The following FAR2 variants were observed in gnomAD, a reference collection of about 807,000 sequenced individuals.
FAR2 encodes the protein epididymis secretory protein Li 81.
In FAR2, 19 loss-of-function variants were observed where a neutral mutation model predicts 56.0. The observed-to-expected ratio is 0.34, with a 90% CI of 0.24 to 0.50. The LOEUF (loss-of-function observed/expected upper bound fraction) is 0.50. Among genes scored for constraint, FAR2 ranks in the 20% least tolerant of loss-of-function variants. The pLI is 0.98. For synonymous variants in FAR2, 219 were observed against 218.8 expected (o/e 1.00, Z -0.01); for missense variants, 508 against 642.2 (o/e 0.79, Z 2.26).
At chr12:29,194,521 CCACACACACA>C (rs3222956) in intron 1 of FAR2, among the ~76,000 whole-genome samples, 1,969 of 140,886 alleles carry the variant, frequency 0.014, 32 homozygotes, top group Middle Eastern at 0.029. Flanking sequence ...GCTAGTGATG[CCACACACACA>C]CACACACACA....
In FAR2 at chr12:29,258,155, C is replaced by A. The variant is rs1948357772; in HGVS notation, c.-38-12257C>A. 2.7e-5 allele frequency among the ~76,000 whole-genome samples: 4 copies of A among 149,182 alleles called. No homozygotes were observed. In the Admixed American group the frequency reaches 2.7e-4, roughly 10 times the overall value. ...GGTCAGGAATTCGAGACTAGCCTGA[C>A]CAACAAGGTTAAACCTTGTCTTTAC... On this transcript the variant is annotated intron_variant, in intron 1 of 11. Coordinates refer to ENST00000536681, the MANE Select transcript of FAR2 (RefSeq NM_001271783.2).
chr12:29,263,367 G>A (rs932581036), intron 1 of FAR2, among the ~76,000 whole-genome samples: 1 of 151,964 alleles, frequency 6.6e-6, no homozygotes, highest in Admixed American at 6.6e-5. Flanking sequence ...CTCAGAACAT[G>A]GATCATTCTC....
At chr12:29,291,186 A>G (rs1436392792) in intron 2 of FAR2, among the ~76,000 whole-genome samples, 1 of 152,192 alleles carries the variant, frequency 6.6e-6, no homozygotes, top group Non-Finnish European at 1.5e-5. Context: ...AAAAGAATCA[A>G]GGAGTTTACA....
At position 29,321,939 on chromosome 12, in the gene FAR2, G is replaced by T; in HGVS notation, c.1257+15G>T. The T allele has an allele frequency of 6.3e-7, 1 of 1,598,426 alleles. No individual in the cohort carries two copies. Among genetic ancestry groups the T allele is most frequent in the South Asian group, 1.1e-5 (1 of 87,980 alleles). The stretch of plus-strand genomic sequence containing the variant: ...AAGACCAGAGAGTAAGTAGAGCACT[G>T]ACTTAAGCACCAGGAAAATGCTACT... On this transcript the variant is annotated intron_variant, in intron 10 of 11. Coordinates refer to ENST00000536681, the MANE Select transcript of FAR2 (RefSeq NM_001271783.2).
intron 2 of FAR2, among the ~76,000 whole-genome samples, chr12:29,272,619 A>C (rs150957051): frequency 6.6e-6 from 1 of 152,314 alleles, no homozygotes; most frequent in Non-Finnish European, 1.5e-5. Flanking sequence ...TCATCTTCTG[A>C]AGCCTACTTC....
At chr12:29,226,494 G>A (rs964105556) in intron 1 of FAR2, among the ~76,000 whole-genome samples, 4 of 152,096 alleles carry the variant, frequency 2.6e-5, no homozygotes, top group African/African-American at 9.7e-5. Flanking sequence ...ATGCAGATTT[G>A]CTCTGGGGAG....
chr12:29,214,983 T>C (rs551615896), intron 1 of FAR2, among the ~76,000 whole-genome samples: 1 of 152,144 alleles, frequency 6.6e-6, no homozygotes, highest in South Asian at 2.1e-4. Flanking sequence ...GAGACCTGAA[T>C]GTAATAAAAG....
At chr12:29,176,102 A>T (rs917245358) in intron 1 of FAR2, among the ~76,000 whole-genome samples, 26 of 152,244 alleles carry the variant, frequency 1.7e-4, no homozygotes, top group African/African-American at 5.8e-4. Flanking sequence ...TTTCAAAAGC[A>T]CTAAACATAG....
chr12:29,194,621 T>C (rs1950130574), intron 1 of FAR2, among the ~76,000 whole-genome samples: 1 of 151,632 alleles, frequency 6.6e-6, no homozygotes, highest in Non-Finnish European at 1.5e-5. Flanking sequence ...GAAAGCAGGA[T>C]AGGCATCTCA....
chr12:29,243,938 G>C (rs567184351), intron 1 of FAR2, among the ~76,000 whole-genome samples: 37 of 152,118 alleles, frequency 2.4e-4, no homozygotes, highest in Non-Finnish European at 5.3e-4. Flanking sequence ...GTGGTGTCTC[G>C]TTCATCATAG....
chr12:29,218,039 G>C (rs1234800572), intron 1 of FAR2, among the ~76,000 whole-genome samples: 1 of 151,840 alleles, frequency 6.6e-6, no homozygotes, highest in East Asian at 1.9e-4. Flanking sequence ...CTGTAGAACT[G>C]AATGATAAAT....
chr12:29,202,681 A>G (rs774719007), intron 1 of FAR2, among the ~76,000 whole-genome samples: 14 of 152,060 alleles, frequency 9.2e-5, no homozygotes, highest in Non-Finnish European at 1.8e-4. Context: ...TTTTTAGTTC[A>G]CACCAAAGCT....
chr12:29,285,873 C>T (rs1425221413), intron 2 of FAR2, among the ~76,000 whole-genome samples: 1 of 150,368 alleles, frequency 6.7e-6, no homozygotes, highest in African/African-American at 2.5e-5. Flanking sequence ...GAGCCGAGAT[C>T]ACACCACTGC....
intron 1 of FAR2, among the ~76,000 whole-genome samples, chr12:29,244,036 C>A (rs571104089): frequency 6.6e-6 from 1 of 152,056 alleles, no homozygotes; most frequent in African/African-American, 2.4e-5. Context: ...ATGAATTTCC[C>A]AACTTATATC....
intron 1 of FAR2, among the ~76,000 whole-genome samples, chr12:29,256,674 G>C (rs983473497): frequency 6.6e-6 from 1 of 152,192 alleles, no homozygotes; most frequent in Non-Finnish European, 1.5e-5. Context: ...GAGGCTGTGC[G>C]TGGCACTTGC....
chr12:29,170,149 C>T (rs974548657), intron 1 of FAR2, among the ~76,000 whole-genome samples: 8 of 152,220 alleles, frequency 5.3e-5, no homozygotes, highest in Non-Finnish European at 1.0e-4. Flanking sequence ...ACAGCTGGCA[C>T]GTTTGAGCAG....
At chr12:29,287,833 A>T (rs2136740152) in intron 2 of FAR2, among the ~76,000 whole-genome samples, 1 of 152,266 alleles carries the variant, frequency 6.6e-6, no homozygotes, top group African/African-American at 2.4e-5. Flanking sequence ...GTGGCTAACT[A>T]GTTCATTGTA....
intron 1 of FAR2, among the ~76,000 whole-genome samples, chr12:29,210,960 T>C (rs1329827020): frequency 1.3e-5 from 2 of 151,440 alleles, no homozygotes; most frequent in African/African-American, 4.9e-5. Flanking sequence ...AAAAAAACTA[T>C]ATCATTCTTA....
At chr12:29,276,640 T>C (rs895484478) in intron 2 of FAR2, among the ~76,000 whole-genome samples, 4 of 152,230 alleles carry the variant, frequency 2.6e-5, no homozygotes, top group South Asian at 2.1e-4. Context: ...CTATCGCTGA[T>C]TGGCTGTGGA....
Sources: allele counts gnomAD v4.1 joint callset (sites outside exome capture counted in the v4.1 genomes callset), GRCh38; gene constraint gnomAD v4.1.1; transcripts MANE v1.5; gene names NCBI Gene and HGNC (gene_info 2026-07-23, HGNC 2026-07-21).